Variants in NF1 observed in about 807,000 individuals in gnomAD.
NF1 encodes neurofibromin.
A neutral mutation model predicts 325.7 loss-of-function variants in NF1; 122 were observed. The observed-to-expected ratio is 0.37, with a 90% CI of 0.32 to 0.44. The LOEUF is 0.44. Among genes scored for constraint, NF1 ranks in the 20% least tolerant of loss-of-function variants. The probability of loss-of-function intolerance (pLI) is 1.00; values close to 1 mark genes in which losing one functional copy is unlikely to be tolerated. For synonymous variants in NF1, 1,091 were observed against 1,186.0 expected, an observed-to-expected ratio of 0.92 and a Z score of 1.65; for missense variants, 2,140 against 3,415.4, an observed-to-expected ratio of 0.63 and a Z score of 9.31.
chr17:31,255,136 C>T (rs565720094), intron 31 of NF1, among the ~76,000 whole-genome samples: 1 of 152,176 alleles, frequency 6.6e-6, no homozygotes, highest in East Asian at 1.9e-4. Context: ...TAACTGTCTG[C>T]CTAACTCAGG....
At chr17:31,305,674 T>C (rs2068701053) in intron 36 of NF1, 1 of 1,512,804 alleles carries the variant, frequency 6.6e-7, no homozygotes, top group Non-Finnish European at 8.9e-7. Context: ...TTAGGCGTCA[T>C]TGGTGTCTAG....
chr17:31,267,241 TA>T (rs2067808168), intron 36 of NF1, among the ~76,000 whole-genome samples: 1 of 152,174 alleles, frequency 6.6e-6, no homozygotes, highest in Non-Finnish European at 1.5e-5. Flanking sequence ...CTTAGCTGCA[TA>T]ATCTTAGATA....
chr17:31,296,167 C>A, intron 36 of NF1: 2 of 1,612,400 alleles, frequency 1.2e-6, no homozygotes, highest in Non-Finnish European at 1.7e-6. Context: ...GTATAATATT[C>A]TCTTGCAGTC....
chr17:31,370,024 C>A (rs944803962), intron 57 of NF1, among the ~76,000 whole-genome samples: 2 of 151,552 alleles, frequency 1.3e-5, no homozygotes, highest in East Asian at 1.9e-4. Flanking sequence ...TAATGACTTT[C>A]CAAGATTTTT....
chr17:31,288,689 C>T (rs1024444256), intron 36 of NF1, among the ~76,000 whole-genome samples: 11 of 151,844 alleles, frequency 7.2e-5, no homozygotes, highest in Admixed American at 5.3e-4. Flanking sequence ...GGTGCCTGCC[C>T]AGCTAATTTT....
Position 31,367,416 on chromosome 17 carries a change from C to T in NF1, c.8378-6597C>T, listed in dbSNP as rs538873402. 478 of 399,730 alleles carry T rather than the reference C, an allele frequency of 1.2e-3. 2 individuals carry two copies. Among genetic ancestry groups the T allele is most frequent in the Admixed American group, 2.5e-3 (65 of 26,500 alleles). The allele number at this position is 399,730 out of a possible 1,614,324, so 24.8% of individuals were successfully genotyped here. The stretch of plus-strand genomic sequence containing the variant: ...GCACTTTAGGAACTTGTAAAGCCAC[C>T]ACTTTATAAGGTCTTGGTACTTAAC... On this transcript the variant is annotated intron_variant, in intron 57 of 57. Transcript: ENST00000358273.
intron 11 of NF1, 24 bp from the exon 12 acceptor site, chr17:31,206,216 C>G (rs920723348): frequency 6.2e-7 from 1 of 1,612,836 alleles, no homozygotes; most frequent in Non-Finnish European, 8.5e-7. Context: ...CTTTTTCTTC[C>G]TATTGGTCTT....
Position 31,095,075 on chromosome 17 carries a change from G to A in NF1, c.-235G>A. On this transcript the variant is annotated 5_prime_UTR_variant, in exon 1 of 58. Transcript: ENST00000358273. ...ACCAAGAGGCCCCCTCCCCTCCCCG[G>A]GTCCCCTTCCCCTATCCCCCTCCCC... 1 of 413,632 alleles carries A rather than the reference G, an allele frequency of 2.4e-6. No homozygotes were observed. Among genetic ancestry groups the A allele is most frequent in the Non-Finnish European group, 4.2e-6 (1 of 236,284 alleles). 25.6% of individuals were successfully genotyped at this position (413,632 alleles called of 1,614,324 possible).
chr17:31,247,193 CAAAAA>C (rs10564306), intron 29 of NF1, among the ~76,000 whole-genome samples: 4 of 94,436 alleles, frequency 4.2e-5, no homozygotes, highest in Admixed American at 1.0e-4. Flanking sequence ...GACTCCATCT[CAAAAA>C]AAAAAAAAAA....
intron 12 of NF1, among the ~76,000 whole-genome samples, chr17:31,214,203 A>T (rs2066779262): frequency 6.6e-6 from 1 of 152,058 alleles, no homozygotes; most frequent in Non-Finnish European, 1.5e-5. Flanking sequence ...GTATTGTAAT[A>T]GATTTTCATT....
At chr17:31,258,231 T>G (rs1451795048) in intron 31 of NF1, 113 bp from the exon 32 acceptor site, 1 of 1,104,886 alleles carries the variant, frequency 9.1e-7, no homozygotes, top group African/African-American at 1.5e-5. Flanking sequence ...ATGTCATTCA[T>G]GAGGACTGAT....
intron 20 of NF1, 99 bp from the exon 21 acceptor site, chr17:31,228,926 G>T: frequency 6.5e-6 from 6 of 920,264 alleles, no homozygotes; most frequent in African/African-American, 1.7e-5. Context: ...TACATTTTTT[G>T]TACTTTTGTC....
chr17:31,130,983 C>A (rs766648522), intron 1 of NF1, among the ~76,000 whole-genome samples: 5 of 152,130 alleles, frequency 3.3e-5, no homozygotes, highest in South Asian at 2.1e-4. Context: ...TGTGGCCCCC[C>A]CCGGCAGTAC....
chr17:31,263,746 G>GCT (rs983373099), intron 35 of NF1, among the ~76,000 whole-genome samples: 2 of 151,244 alleles, frequency 1.3e-5, no homozygotes, highest in African/African-American at 4.9e-5. Flanking sequence ...TCCCACTGAT[G>GCT]CTCTTGGAGA....
intron 49 of NF1, among the ~76,000 whole-genome samples, 157 bp from the exon 50 acceptor site, chr17:31,350,026 T>G (rs529207893): frequency 6.6e-6 from 1 of 152,356 alleles, no homozygotes; most frequent in African/African-American, 2.4e-5. Flanking sequence ...AGATGCTTAT[T>G]AAATCTCTCT....
At chr17:31,228,459 TA>T (rs764995546) in intron 20 of NF1, among the ~76,000 whole-genome samples, 76 of 152,334 alleles carry the variant, frequency 5.0e-4, no homozygotes, top group Non-Finnish European at 8.7e-4. Flanking sequence ...TTACATACCA[TA>T]CAGTTCACCC....
intron 30 of NF1, 83 bp from the exon 31 acceptor site, chr17:31,252,855 A>T: frequency 9.1e-7 from 1 of 1,097,600 alleles, no homozygotes; most frequent in Non-Finnish European, 1.4e-6. Flanking sequence ...TTTATGGTGT[A>T]ATTTTATGTA....
chr17:31,230,188 A>T (rs2067088686), intron 22 of NF1, 72 bp from the exon 23 acceptor site: 2 of 1,541,418 alleles, frequency 1.3e-6, no homozygotes, highest in Non-Finnish European at 1.8e-6. Flanking sequence ...TTACTTGATG[A>T]CTAAAGTATT....
At chr17:31,133,806 G>GC (rs1915569789) in intron 1 of NF1, 1 of 152,162 alleles carries the variant, frequency 6.6e-6, no homozygotes, top group Non-Finnish European at 1.5e-5. Context: ...ACTGGCACCT[G>GC]CCACCATGTC....
Sources: allele counts gnomAD v4.1 joint callset (sites outside exome capture counted in the v4.1 genomes callset), GRCh38; gene constraint gnomAD v4.1.1; transcripts MANE v1.5; gene names NCBI Gene and HGNC (gene_info 2026-07-23, HGNC 2026-07-21).